Variants in HM13 observed in about 807,000 individuals in gnomAD.
HM13 encodes the protein signal peptide peptidase.
HM13 carries 18 observed loss-of-function variants against 50.0 expected under a neutral mutation model. The observed-to-expected ratio is 0.36, with a 90% CI of 0.25 to 0.53. The LOEUF (loss-of-function observed/expected upper bound fraction) is 0.53. Among genes scored for constraint, HM13 ranks in the 20% least tolerant of loss-of-function variants. The pLI, the probability that HM13 is intolerant of heterozygous loss-of-function variation, is 0.90. For missense variants in HM13, 393 were observed against 552.4 expected (o/e 0.71, Z 2.89); for synonymous variants, 197 against 232.6 (o/e 0.85, Z 1.39).
intron 1 of HM13, among the ~76,000 whole-genome samples, chr20:31,517,892 A>C (rs1324280467): frequency 6.6e-6 from 1 of 152,118 alleles, no homozygotes; most frequent in Admixed American, 6.5e-5. Flanking sequence ...ATTCCTTGGA[A>C]GTAACCCAAC....
At chr20:31,564,892 G>A (rs1247905472) in intron 10 of HM13, among the ~76,000 whole-genome samples, 1 of 150,718 alleles carries the variant, frequency 6.6e-6, no homozygotes, top group Admixed American at 6.6e-5. Context: ...TCGGCCAGGC[G>A]CGGTGTCTCA....
intron 2 of HM13, among the ~76,000 whole-genome samples, chr20:31,535,067 C>G (rs1340041859): frequency 6.7e-6 from 1 of 148,642 alleles, no homozygotes; most frequent in Non-Finnish European, 1.5e-5. Flanking sequence ...GCCTTGGTGA[C>G]AGAGCAAGAC....
chr20:31,560,213 G>T (rs746990053), intron 9 of HM13, among the ~76,000 whole-genome samples: 6 of 152,202 alleles, frequency 3.9e-5, no homozygotes, highest in Non-Finnish European at 8.8e-5. Context: ...ACACAAGAAA[G>T]GTCTTATCCA....
intron 8 of HM13, among the ~76,000 whole-genome samples, chr20:31,557,206 G>A (rs1354430712): frequency 1.3e-5 from 2 of 152,146 alleles, no homozygotes; most frequent in East Asian, 3.9e-4. Flanking sequence ...TGTGAGGCAG[G>A]GAGACTTGCT....
chr20:31,549,305 C>T lies in HM13; in HGVS notation c.639C>T (p.Gly213=), dbSNP rs760127709. 1.1e-5 allele frequency: 18 copies of T among 1,614,100 alleles called. No homozygotes were observed. Among genetic ancestry groups the T allele is most frequent in the Non-Finnish European group, 1.4e-5 (16 of 1,180,044 alleles). ...NNVSTGCILL[G]GLFIYDVFWV... ...TCAGCACTGGCTGCATCCTGCTGGG[C>T]GGACTCTTCATCTACGATGTCTTCT... The change falls in exon 6 of 13, where the codon GGC becomes GGT. Residue 213 remains glycine (G), a synonymous_variant. Coordinates refer to ENST00000398174, the MANE Select transcript of HM13 (RefSeq NM_178581.3).
At chr20:31,529,899 A>C (rs1982711354) in intron 2 of HM13, among the ~76,000 whole-genome samples, 2 of 152,112 alleles carry the variant, frequency 1.3e-5, no homozygotes, top group Admixed American at 1.3e-4. Context: ...CCCGGGAGGC[A>C]GAGGTTGCAG....
rs1983222588 is a variant in HM13 at position 31,538,166 on chromosome 20, A to G, written c.283-13A>G. 2 of 1,612,930 alleles carry G rather than the reference A, an allele frequency of 1.2e-6. No individual in the cohort carries two copies. Among genetic ancestry groups the G allele is most frequent in the Non-Finnish European group, 1.7e-6 (2 of 1,179,372 alleles). On this transcript the variant is annotated splice_polypyrimidine_tract_variant and intron_variant, in intron 2 of 12. Transcript: ENST00000398174. ...ACCCTAACTTCCTGTTTCTCTTTGT[A>G]TTTCTGCCTCAGATATTCTCCCAGG...
rs200379311 is a variant in HM13 at position 31,554,781 on chromosome 20, G to C, written c.760G>C (p.Glu254Gln). 2.5e-6 allele frequency: 4 copies of C among 1,614,020 alleles called. No individual in the cohort carries two copies. The highest frequency in any genetic ancestry group is 1.3e-5 in the African/African-American group (1 of 74,926). The change falls in exon 8 of 13, where the codon GAA becomes CAA. Residue 254 changes from glutamate to glutamine, a missense_variant. Physicochemically the swap from Glu to Gln is conservative, Grantham distance 29 (BLOSUM62 2). Around this residue, in one of 3 missense-constraint regions of HM13, gnomAD observed 74 missense variants for 160.4 expected, o/e 0.46. Coordinates refer to ENST00000398174, the MANE Select transcript of HM13 (RefSeq NM_178581.3). ...FPQDLLEKGL[E>Q]ANNFAMLGLG... ...CCAGGATCTGCTGGAGAAAGGCCTCGAAGCAAACAACTTTGCCATGCTGGG... is the reference window on the plus strand; with the variant it reads ...CCAGGATCTGCTGGAGAAAGGCCTCCAAGCAAACAACTTTGCCATGCTGGG...
chr20:31,553,583 C>G (rs1984144693), intron 7 of HM13, among the ~76,000 whole-genome samples: 1 of 152,080 alleles, frequency 6.6e-6, no homozygotes, highest in East Asian at 1.9e-4. Context: ...GAGCACAGAA[C>G]TAGGATTCAG....
intron 11 of HM13, among the ~76,000 whole-genome samples, 187 bp downstream of exon 11, chr20:31,566,482 G>A (rs1984922708): frequency 6.6e-6 from 1 of 152,034 alleles, no homozygotes; most frequent in Non-Finnish European, 1.5e-5. Flanking sequence ...ACCTTACCCT[G>A]GGCCAGGAGC....
rs1981631773 is a variant in HM13 at position 31,514,466 on chromosome 20, T to G, written c.-86T>G. ...CACTTCCTGTTGCCTTAGGGGAACG[T>G]GGCTTTCCCTGCAGAGCCGGTGTCT... On this transcript the variant is annotated 5_prime_UTR_variant, in exon 1 of 13. Coordinates refer to ENST00000398174, the MANE Select transcript of HM13 (RefSeq NM_178581.3). This position sits in a 1 kb window ranked among gnomAD's most constrained non-coding sequence, Gnocchi z 4.3. 3.0e-5 allele frequency: 43 copies of G among 1,434,502 alleles called. No individual in the cohort carries two copies. In the South Asian group the frequency reaches 5.4e-4, roughly 18 times the overall value. 88.9% of individuals were successfully genotyped at this position (1,434,502 alleles called of 1,614,324 possible). A position where few individuals can be genotyped will look rare whatever the true frequency, so the allele number is the denominator to read the frequency against.
intron 1 of HM13, among the ~76,000 whole-genome samples, chr20:31,524,598 C>T (rs900866668): frequency 1.3e-5 from 2 of 151,736 alleles, no homozygotes; most frequent in East Asian, 1.9e-4. Context: ...CTTACCTTTC[C>T]GATAGACAAA....
chr20:31,552,248 A>G (rs1166836118), intron 7 of HM13, among the ~76,000 whole-genome samples: 2 of 152,130 alleles, frequency 1.3e-5, no homozygotes, highest in Non-Finnish European at 2.9e-5. Flanking sequence ...CCAAGCATAC[A>G]GGGGCAATAT....
intron 4 of HM13, chr20:31,548,128 G>A (rs995395708): frequency 2.1e-6 from 2 of 938,776 alleles, no homozygotes; most frequent in African/African-American, 1.6e-5. Flanking sequence ...GTGTGTGACA[G>A]CGTGAATACA....
chr20:31,523,345 C>T (rs1014764553), intron 1 of HM13, among the ~76,000 whole-genome samples: 5 of 151,888 alleles, frequency 3.3e-5, no homozygotes, highest in Admixed American at 6.6e-5. Flanking sequence ...TCACTGCAAC[C>T]TCCACCTCCC....
intron 11 of HM13, 104 bp downstream of exon 11, chr20:31,566,399 G>T (rs1984916827): frequency 1.1e-6 from 1 of 932,188 alleles, no homozygotes; most frequent in South Asian, 1.4e-5. Flanking sequence ...GGGGAACATT[G>T]TTCCTGCCAC....
At chr20:31,529,545 C>T (rs6059796) in intron 2 of HM13, among the ~76,000 whole-genome samples, 41,661 of 152,068 alleles carry the variant, frequency 0.27, 8,610 homozygotes, top group African/African-American at 0.58. Flanking sequence ...ACACCTGGCC[C>T]CTTTTTGTTC....
At chr20:31,555,031 G>A (rs1250823770) in intron 8 of HM13, among the ~76,000 whole-genome samples, 2 of 152,222 alleles carry the variant, frequency 1.3e-5, no homozygotes, top group Non-Finnish European at 2.9e-5. Context: ...GCTGGGTCCT[G>A]GTCAGGTGTC....
intron 1 of HM13, among the ~76,000 whole-genome samples, chr20:31,518,162 T>C (rs1200169021): frequency 2.6e-5 from 4 of 151,130 alleles, no homozygotes; most frequent in African/African-American, 9.7e-5. Context: ...CAGCCTCCCA[T>C]GTAGCTGGGA....
Sources: allele counts gnomAD v4.1 joint callset (sites outside exome capture counted in the v4.1 genomes callset), GRCh38; gene constraint gnomAD v4.1.1; regional missense constraint gnomAD v4.1.1; non-coding constraint Gnocchi (gnomAD v3.1); transcripts MANE v1.5; gene names NCBI Gene and HGNC (gene_info 2026-07-23, HGNC 2026-07-21).